NPAS3: variants seen among roughly 807,000 people sequenced by gnomAD.
NPAS3 encodes neuronal PAS domain protein 3.
In NPAS3, 14 loss-of-function variants were observed where a neutral mutation model predicts 73.1. The observed-to-expected ratio is 0.19, with a 90% CI of 0.13 to 0.30. NPAS3 has a LOEUF of 0.30. Among genes scored for constraint, NPAS3 ranks in the 10% least tolerant of loss-of-function variants. The pLI is 1.00. For missense variants in NPAS3, 1,096 were observed against 1,250.0 expected, an observed-to-expected ratio of 0.88 and a Z score of 1.86; for synonymous variants, 620 against 541.5, an observed-to-expected ratio of 1.14 and a Z score of -2.01.
intron 8 of NPAS3, among the ~76,000 whole-genome samples, chr14:33,775,231 C>A (rs1314726312): frequency 2.0e-5 from 3 of 152,140 alleles, no homozygotes; most frequent in African/African-American, 7.2e-5. Context: ...CCTTATCAGA[C>A]TGATTGGAAG....
chr14:33,679,473 T>C (rs2059871385), intron 6 of NPAS3, among the ~76,000 whole-genome samples: 1 of 151,554 alleles, frequency 6.6e-6, no homozygotes, highest in Non-Finnish European at 1.5e-5. Context: ...TTCCTAATTC[T>C]TAATAACTAA....
intron 5 of NPAS3, among the ~76,000 whole-genome samples, chr14:33,576,653 G>A (rs1001397491): frequency 6.6e-6 from 1 of 152,118 alleles, no homozygotes; most frequent in African/African-American, 2.4e-5. Flanking sequence ...AGTTGTGTCC[G>A]ATTTTCAGAT....
At chr14:33,376,105 A>C (rs953430641) in intron 4 of NPAS3, among the ~76,000 whole-genome samples, 12 of 152,176 alleles carry the variant, frequency 7.9e-5, no homozygotes, top group Non-Finnish European at 1.5e-4. Flanking sequence ...CCATTCTCAA[A>C]ACAGACACAC....
intron 5 of NPAS3, among the ~76,000 whole-genome samples, chr14:33,607,740 C>G (rs963811072): frequency 6.6e-6 from 1 of 152,104 alleles, no homozygotes; most frequent in Admixed American, 6.5e-5. Context: ...AAAGACATAC[C>G]TGAGACTGGT....
At chr14:33,043,981 A>G (rs1476954329) in intron 1 of NPAS3, among the ~76,000 whole-genome samples, 3 of 152,210 alleles carry the variant, frequency 2.0e-5, no homozygotes, top group African/African-American at 4.8e-5. Flanking sequence ...CAAACATGAT[A>G]TATTTCTTAC....
intron 4 of NPAS3, among the ~76,000 whole-genome samples, chr14:33,466,340 C>A (rs1411385147): frequency 6.6e-6 from 1 of 152,094 alleles, no homozygotes; most frequent in Non-Finnish European, 1.5e-5. Context: ...AACACAGATG[C>A]TAGAAAAAGC....
At chr14:32,989,265 T>C (rs775859345) in intron 1 of NPAS3, among the ~76,000 whole-genome samples, 1 of 152,104 alleles carries the variant, frequency 6.6e-6, no homozygotes, top group Non-Finnish European at 1.5e-5. Flanking sequence ...AGAAATACCA[T>C]AGGGAAATCT....
At chr14:33,665,172 C>T (rs372373526) in intron 5 of NPAS3, among the ~76,000 whole-genome samples, 9 of 152,182 alleles carry the variant, frequency 5.9e-5, no homozygotes, top group African/African-American at 2.2e-4. Flanking sequence ...GAATACTATG[C>T]AGCCATAAAA....
At chr14:33,727,537 T>C (rs1256394884) in intron 6 of NPAS3, among the ~76,000 whole-genome samples, 1 of 152,004 alleles carries the variant, frequency 6.6e-6, no homozygotes, top group Non-Finnish European at 1.5e-5. Context: ...AAGGTGTTTA[T>C]GTATTGTTAT....
chr14:33,600,735 T>C (rs1228980873), intron 5 of NPAS3, among the ~76,000 whole-genome samples: 1 of 152,166 alleles, frequency 6.6e-6, no homozygotes, highest in African/African-American at 2.4e-5. Flanking sequence ...TCAAAGTAAC[T>C]CACAGGTCCA....
rs1438252190 is a variant in NPAS3 at position 33,252,047 on chromosome 14, GTGTGTGTGTC to G, written c.385+36631_385+36640del. Among the ~76,000 whole-genome samples, 42 of 108,392 alleles carry G rather than the reference GTGTGTGTGTC, an allele frequency of 3.9e-4. 1 individual carries two copies. The highest frequency in any genetic ancestry group is 1.4e-3 in the African/African-American group (41 of 30,242). 71.1% of individuals were successfully genotyped at this position (108,392 alleles called of 152,430 possible). A position where few individuals can be genotyped will look rare whatever the true frequency, so the allele number is the denominator to read the frequency against. ...TAGAACCTTTCGTGGGTGTTTGCGT[GTGTGTGTGTC>G]TGTGTGTGTGTGTGTGTGTGTGTGT... On this transcript the variant is annotated intron_variant, in intron 3 of 11. Coordinates refer to ENST00000356141, the Ensembl canonical transcript of NPAS3.
intron 1 of NPAS3, among the ~76,000 whole-genome samples, chr14:33,052,503 A>G (rs1201779914): frequency 3.3e-5 from 5 of 152,244 alleles, no homozygotes; most frequent in African/African-American, 1.2e-4. Context: ...AAAACCCTAC[A>G]TATTAATTCA....
intron 2 of NPAS3, among the ~76,000 whole-genome samples, chr14:33,159,915 T>C (rs2044797482): frequency 1.3e-5 from 2 of 152,172 alleles, no homozygotes. Context: ...TTTTTACATA[T>C]AGAATAAAGA....
intron 4 of NPAS3, among the ~76,000 whole-genome samples, chr14:33,397,976 C>T (rs980569180): frequency 6.6e-6 from 1 of 152,272 alleles, no homozygotes; most frequent in East Asian, 1.9e-4. Flanking sequence ...CTTCATTTTA[C>T]TAAGTTCAGC....
At chr14:33,476,507 A>C (rs927363891) in intron 4 of NPAS3, among the ~76,000 whole-genome samples, 1 of 152,220 alleles carries the variant, frequency 6.6e-6, no homozygotes, top group Non-Finnish European at 1.5e-5. Context: ...GTATTTCTAC[A>C]CAACTTTGAT....
rs1296142498 is a variant in NPAS3 at position 33,769,848 on chromosome 14, T to A, written c.853-4489T>A. Among the ~76,000 whole-genome samples, 8 of 135,266 alleles carry A rather than the reference T, an allele frequency of 5.9e-5. No homozygotes were observed. The East Asian group carries it at 2.0e-3, about 35-fold the overall frequency. The allele number at this position is 135,266 out of a possible 152,430, so 88.7% of individuals were successfully genotyped here. On this transcript the variant is annotated intron_variant, in intron 7 of 11. Coordinates refer to ENST00000356141, the Ensembl canonical transcript of NPAS3. Reference sequence around the variant, plus strand: ...GGCGGAATCACGGCTCACTGCAGCATCCATCTCCTAGGTTCAAGCAATCCT... The same window carrying A: ...GGCGGAATCACGGCTCACTGCAGCAACCATCTCCTAGGTTCAAGCAATCCT...
intron 3 of NPAS3, among the ~76,000 whole-genome samples, chr14:33,262,325 G>T (rs1214886618): frequency 6.6e-6 from 1 of 152,150 alleles, no homozygotes; most frequent in Non-Finnish European, 1.5e-5. Context: ...ATAAGTGTAG[G>T]CAATACAGTT....
chr14:33,564,944 A>T (rs1322717195), intron 5 of NPAS3, among the ~76,000 whole-genome samples: 1 of 152,064 alleles, frequency 6.6e-6, no homozygotes, highest in Non-Finnish European at 1.5e-5. Flanking sequence ...ATCACCCCCC[A>T]CTGCCTCCAG....
upstream of NPAS3, chr14:32,934,979 A>C: frequency 7.5e-7 from 1 of 1,331,092 alleles, no homozygotes; most frequent in Non-Finnish European, 9.7e-7. The surrounding 1 kb of genome is among the most constrained non-coding windows in gnomAD (Gnocchi z 4.1). Context: ...CAGAACGTCC[A>C]GGGCATCACC....
Sources: allele counts gnomAD v4.1 joint callset (sites outside exome capture counted in the v4.1 genomes callset), GRCh38; gene constraint gnomAD v4.1.1; non-coding constraint Gnocchi (gnomAD v3.1); transcripts MANE v1.5; gene names NCBI Gene and HGNC (gene_info 2026-07-23, HGNC 2026-07-21).